Variants in THUMPD2 observed in about 807,000 individuals in gnomAD.
THUMPD2 encodes THUMP domain 2 tRNA and snRNA guanosine methyltransferase, also known as U6 snRNA (guanine-N(2))-methyltransferase THUMPD2.
THUMPD2 carries 56 observed loss-of-function variants against 49.4 expected under a neutral mutation model. The ratio of observed to expected loss-of-function variants is 1.13; its 90% CI spans 0.91 to 1.41. THUMPD2 has a LOEUF of 1.41. Among genes scored for constraint, THUMPD2 ranks in the 40% most tolerant of loss-of-function variants. The probability of loss-of-function intolerance (pLI) is 0.00; values close to 1 mark genes in which losing one functional copy is unlikely to be tolerated. For synonymous variants in THUMPD2, 237 were observed against 205.2 expected (o/e 1.15, Z -1.32); for missense variants, 709 against 594.5 (o/e 1.19, Z -2.00).
At chr2:39,760,893 ACTT>A (rs1349308313) in intron 6 of THUMPD2, among the ~76,000 whole-genome samples, 8 of 152,196 alleles carry the variant, frequency 5.3e-5, no homozygotes, top group Non-Finnish European at 1.2e-4. Flanking sequence ...GATTTCAAAA[ACTT>A]CTTTCAAAAT....
chr2:39,778,812 A>C (rs1679457552), intron 1 of THUMPD2, among the ~76,000 whole-genome samples: 1 of 152,264 alleles, frequency 6.6e-6, no homozygotes, highest in South Asian at 2.1e-4. Context: ...GACAGGCCAG[A>C]TTCTAATTAC....
intron 9 of THUMPD2, among the ~76,000 whole-genome samples, chr2:39,742,583 T>A (rs892805941): frequency 6.6e-6 from 1 of 152,162 alleles, no homozygotes; most frequent in African/African-American, 2.4e-5. Context: ...TAAGCCACCA[T>A]CTCTCTGGAA....
chr2:39,750,926 C>T lies in THUMPD2; in HGVS notation c.1078+4369G>A, dbSNP rs371892952. On this transcript the variant is annotated intron_variant, in intron 8 of 9. Coordinates refer to ENST00000505747, the MANE Select transcript of THUMPD2 (RefSeq NM_025264.5). ...TTTCATTAAAAATGCATTTTTAAAA[C>T]CTTATTGCTTCTGAAAGAGTTTGTT... Among the ~76,000 whole-genome samples, 31 of 152,254 alleles carry T rather than the reference C, an allele frequency of 2.0e-4. No individual in the cohort carries two copies. In the East Asian group the frequency reaches 2.9e-3, roughly 14 times the overall value.
At chr2:39,762,806 T>C (rs1434145052) in intron 5 of THUMPD2, among the ~76,000 whole-genome samples, 1 of 150,680 alleles carries the variant, frequency 6.6e-6, no homozygotes, top group Admixed American at 6.7e-5. Context: ...AGACGCAGTA[T>C]GGGAAACCAG....
chr2:39,751,538 G>T (rs978109243), intron 8 of THUMPD2, among the ~76,000 whole-genome samples: 3 of 152,224 alleles, frequency 2.0e-5, no homozygotes, highest in Middle Eastern at 3.4e-3. Context: ...TACTGAGAAT[G>T]TAAATATATC....
intron 8 of THUMPD2, among the ~76,000 whole-genome samples, chr2:39,752,664 GT>G (rs1449036799): frequency 6.6e-6 from 1 of 152,062 alleles, no homozygotes; most frequent in Non-Finnish European, 1.5e-5. Flanking sequence ...TAAAACAGAT[GT>G]TTTATTCTTT....
At chr2:39,765,423 G>A (rs892636181) in intron 5 of THUMPD2, among the ~76,000 whole-genome samples, 1 of 152,024 alleles carries the variant, frequency 6.6e-6, no homozygotes, top group Non-Finnish European at 1.5e-5. Flanking sequence ...GTCCCAAAGT[G>A]CTGGGATTAC....
intron 4 of THUMPD2, 32 bp downstream of exon 4, chr2:39,768,392 C>T: frequency 6.6e-7 from 1 of 1,522,652 alleles, no homozygotes; most frequent in Non-Finnish European, 9.1e-7. Context: ...AATTAGGTTA[C>T]AAGTATATAA....
chr2:39,769,523 G>A, intron 3 of THUMPD2, 187 bp downstream of exon 3: 1 of 505,436 alleles, frequency 2.0e-6, no homozygotes, highest in Non-Finnish European at 3.2e-6. Flanking sequence ...CCAATATGGT[G>A]AAACCCTGTC....
chr2:39,768,913 G>T (rs1321487954), intron 3 of THUMPD2: 2 of 1,301,546 alleles, frequency 1.5e-6, no homozygotes, highest in Admixed American at 4.6e-5. Context: ...TTTAGGGTTT[G>T]ACTGATTTTA....
In THUMPD2 at chr2:39,740,452, C is replaced by T. The variant is rs559305003; in HGVS notation, c.1188-3393G>A. On this transcript the variant is annotated intron_variant, in intron 9 of 9. Transcript: ENST00000505747. ...ACATGTATCCTTTTGTGCATATGTA[C>T]ATGACAAGATGCCTAACAGGACAGT... is the stretch of plus-strand genomic sequence containing the variant. Among the ~76,000 whole-genome samples, 23 of 152,186 alleles carry T rather than the reference C, an allele frequency of 1.5e-4. No individual in the cohort carries two copies. The South Asian group carries it at 4.8e-3, about 32-fold the overall frequency.
At chr2:39,741,724 C>T (rs973645952) in intron 9 of THUMPD2, among the ~76,000 whole-genome samples, 3 of 152,132 alleles carry the variant, frequency 2.0e-5, no homozygotes, top group African/African-American at 2.4e-5. Context: ...TGTCCTTTCT[C>T]GAAGAGTCCA....
At chr2:39,768,538 A>T (rs781570079) in intron 3 of THUMPD2, 37 bp from the exon 4 acceptor site, 2 of 1,549,936 alleles carry the variant, frequency 1.3e-6, no homozygotes, top group East Asian at 4.5e-5. Context: ...GAATACTAAA[A>T]ATGAAAATTT....
rs1209023482 is a variant in THUMPD2 at position 39,744,479 on chromosome 2, C to G, written c.1079-1G>C. 6.5e-7 allele frequency: 1 copy of G among 1,548,990 alleles called. No homozygotes were observed. Among genetic ancestry groups the G allele is most frequent in the Non-Finnish European group, 8.7e-7 (1 of 1,147,396 alleles). ...ACACTTTCTGAAGGCAATGGCAATT[C>G]TGAAATATAGAAATCAGAGAATCCT... On this transcript the variant is annotated splice_acceptor_variant, in intron 8 of 9. Transcript: ENST00000505747. LOFTEE classifies it high-confidence loss of function.
chr2:39,751,130 G>A (rs997404772), intron 8 of THUMPD2, among the ~76,000 whole-genome samples: 1 of 152,200 alleles, frequency 6.6e-6, no homozygotes, highest in Non-Finnish European at 1.5e-5. Flanking sequence ...TTTCCCAAAT[G>A]GGCAGCCTGG....
At chr2:39,778,105 T>G (rs967257750) in intron 1 of THUMPD2, among the ~76,000 whole-genome samples, 1 of 152,224 alleles carries the variant, frequency 6.6e-6, no homozygotes, top group Non-Finnish European at 1.5e-5. Flanking sequence ...CTGTGCTTCA[T>G]TTTTCTCATC....
intron 1 of THUMPD2, among the ~76,000 whole-genome samples, chr2:39,775,967 A>G (rs1249967558): frequency 6.6e-6 from 1 of 152,110 alleles, no homozygotes; most frequent in Non-Finnish European, 1.5e-5. Context: ...ACCTGTGTTA[A>G]TAGTGTTTGA....
intron 6 of THUMPD2, among the ~76,000 whole-genome samples, chr2:39,759,611 C>T (rs1676559529): frequency 6.6e-6 from 1 of 152,032 alleles, no homozygotes; most frequent in Non-Finnish European, 1.5e-5. Flanking sequence ...GTTCTGGTGA[C>T]ATTCCTTGGC....
intron 1 of THUMPD2, among the ~76,000 whole-genome samples, chr2:39,776,538 T>G (rs1350883388): frequency 6.6e-6 from 1 of 151,754 alleles, no homozygotes; most frequent in Non-Finnish European, 1.5e-5. Context: ...GGACTACAGG[T>G]GTACGCCACC....
Sources: allele counts gnomAD v4.1 joint callset (sites outside exome capture counted in the v4.1 genomes callset), GRCh38; gene constraint gnomAD v4.1.1; transcripts MANE v1.5; gene names NCBI Gene and HGNC (gene_info 2026-07-23, HGNC 2026-07-21).